PHEX: variants seen among roughly 807,000 people sequenced by gnomAD.
PHEX encodes phosphate-regulating neutral endopeptidase PHEX.
PHEX carries 16 observed loss-of-function variants against 68.0 expected under a neutral mutation model. The ratio of observed to expected loss-of-function variants is 0.24; its 90% CI spans 0.16 to 0.36. The LOEUF is 0.36. Ranked by LOEUF, PHEX falls within the 10% of genes least tolerant of loss-of-function variation. The pLI, the probability that PHEX is intolerant of heterozygous loss-of-function variation, is 1.00. For missense variants in PHEX, 480 were observed against 575.5 expected (o/e 0.83, Z 1.70); for synonymous variants, 208 against 205.1 (o/e 1.01, Z -0.12).
intron 15 of PHEX, among the ~76,000 whole-genome samples, chrX:22,208,051 G>A (rs1458062935): frequency 2.3e-4 from 2 of 8,615 alleles, no homozygotes; most frequent in Non-Finnish European, 5.8e-4. Flanking sequence ...CCCACCCCCC[G>A]ACAGGCCCCT....
At chrX:22,195,391 C>T (rs1315041444) in intron 15 of PHEX, among the ~76,000 whole-genome samples, 1 of 110,199 alleles carries the variant, frequency 9.1e-6, no homozygotes, top group Admixed American at 9.6e-5. Flanking sequence ...GTTGGGAGTT[C>T]GAGACCAGCC....
At chrX:22,128,472 G>C in intron 11 of PHEX, among the ~76,000 whole-genome samples, 1 of 110,744 alleles carries the variant, frequency 9.0e-6, no homozygotes, top group Middle Eastern at 4.6e-3. Flanking sequence ...TTAGAGAGAA[G>C]TATCTGGAAA....
At chrX:22,076,350 TG>T in intron 3 of PHEX, 37 bp from the exon 4 acceptor site, 1 of 1,003,460 alleles carries the variant, frequency 1.0e-6, no homozygotes, top group Non-Finnish European at 1.4e-6. Context: ...GCACCATATG[TG>T]GGTGGATACT....
At chrX:22,118,854 G>T (rs1473241282) in intron 11 of PHEX, among the ~76,000 whole-genome samples, 1 of 111,733 alleles carries the variant, frequency 8.9e-6, no homozygotes, top group East Asian at 2.8e-4. Flanking sequence ...CACAACCATG[G>T]GAATTTAGCA....
Position 22,249,456 on chromosome X carries a change from ATATATATATATATATATATAT to A in PHEX, c.*1504_*1524del, listed in dbSNP as rs1936505161. The A allele has an allele frequency of 3.2e-5, 1 of 31,204 alleles. No homozygotes were observed. The highest frequency in any genetic ancestry group is 5.4e-5 in the Non-Finnish European group (1 of 18,424). 2.6% of individuals were successfully genotyped at this position (31,204 alleles called of 1,213,427 possible). A position where few individuals can be genotyped will look rare whatever the true frequency, so the allele number is the denominator to read the frequency against. On this transcript the variant is annotated 3_prime_UTR_variant, in exon 22 of 22. Transcript: ENST00000379374. ...TGTGATTCTTTTAAAAAAAAAAAAA[ATATATATATATATATATATAT>A]ATATATATATGTATATCTACCTAAG...
At chrX:22,211,261 T>C (rs948949443) in intron 15 of PHEX, among the ~76,000 whole-genome samples, 1 of 112,232 alleles carries the variant, frequency 8.9e-6, no homozygotes, top group African/African-American at 3.2e-5. Flanking sequence ...GGGTCTCTTG[T>C]TCCAAAAGCA....
chrX:22,144,862 A>C (rs1280591078), intron 12 of PHEX, among the ~76,000 whole-genome samples: 1 of 111,494 alleles, frequency 9.0e-6, no homozygotes, highest in Non-Finnish European at 1.9e-5. Context: ...CTCTCCATCC[A>C]TGAAATTTAT....
chrX:22,088,953 T>C (rs1929739840), intron 5 of PHEX, among the ~76,000 whole-genome samples: 1 of 112,340 alleles, frequency 8.9e-6, no homozygotes, highest in Non-Finnish European at 1.9e-5. Flanking sequence ...CTATGATTCA[T>C]TTTCAGTTAA....
rs1385883630 is a variant in PHEX at position 22,145,766 on chromosome X, C to G, written c.1404+12142C>G. On this transcript the variant is annotated intron_variant, in intron 12 of 21. Coordinates refer to ENST00000379374, the MANE Select transcript of PHEX (RefSeq NM_000444.6). ...TGTTTGATTTTCAAATTCTATCATT[C>G]TTTTTGCATTTATTAGCTAGGCTGT... 5.4e-5 allele frequency among the ~76,000 whole-genome samples: 6 copies of G among 111,769 alleles called. No individual in the cohort carries two copies. In the Admixed American group the frequency reaches 5.7e-4, roughly 11 times the overall value.
At chrX:22,154,129 TA>T (rs1932903556) in intron 12 of PHEX, among the ~76,000 whole-genome samples, 1 of 110,240 alleles carries the variant, frequency 9.1e-6, no homozygotes, top group African/African-American at 3.4e-5. Flanking sequence ...CCACAAAAAT[TA>T]AAAATAAAAA....
chrX:22,111,598 A>G, intron 10 of PHEX, 38 bp downstream of exon 10: 1 of 953,152 alleles, frequency 1.0e-6, no homozygotes, highest in African/African-American at 1.9e-5. Context: ...ATCGCTGGAT[A>G]ACTTTACATG....
chrX:22,177,816 A>G (rs1569419787), intron 13 of PHEX, among the ~76,000 whole-genome samples: 1 of 112,030 alleles, frequency 8.9e-6, no homozygotes, highest in Admixed American at 9.5e-5. Context: ...TTATTTGACT[A>G]AATCATTGTC....
At chrX:22,064,102 T>C (rs1928493451) in intron 3 of PHEX, among the ~76,000 whole-genome samples, 1 of 112,635 alleles carries the variant, frequency 8.9e-6, no homozygotes, top group Admixed American at 9.4e-5. Context: ...TTTGTGTTCA[T>C]TGAAGTTCTT....
chrX:22,117,947 A>C lies in PHEX; in HGVS notation c.1302+3361A>C, dbSNP rs182929467. 4.8e-4 allele frequency among the ~76,000 whole-genome samples: 53 copies of C among 110,647 alleles called. 1 individual carries two copies. Among genetic ancestry groups the C allele is most frequent in the Non-Finnish European group, 1.5e-4 (8 of 52,888 alleles). ...AAGAACCACCTGGAACCACTGATTTACTTGAAAAACATTCAGTATTATTAG... is the reference window on the plus strand; with the variant it reads ...AAGAACCACCTGGAACCACTGATTTCCTTGAAAAACATTCAGTATTATTAG... On this transcript the variant is annotated intron_variant, in intron 11 of 21. Coordinates refer to ENST00000379374, the MANE Select transcript of PHEX (RefSeq NM_000444.6).
intron 13 of PHEX, among the ~76,000 whole-genome samples, chrX:22,170,418 C>T (rs1223718083): frequency 9.0e-6 from 1 of 111,228 alleles, no homozygotes; most frequent in Non-Finnish European, 1.9e-5. Context: ...CACCTTGTTA[C>T]CTAGGGTAGG....
At chrX:22,236,865 TGATA>T (rs1158780073) in intron 20 of PHEX, among the ~76,000 whole-genome samples, 1 of 112,783 alleles carries the variant, frequency 8.9e-6, no homozygotes, top group Non-Finnish European at 1.9e-5. Context: ...ACTAATTGAT[TGATA>T]GTGAAGTTAC....
chrX:22,097,067 T>A, intron 8 of PHEX, 29 bp downstream of exon 8: 1 of 975,739 alleles, frequency 1.0e-6, no homozygotes, highest in Non-Finnish European at 1.5e-6. Context: ...GAAAACTTTC[T>A]CTCAACTCAT....
intron 8 of PHEX, 54 bp downstream of exon 8, chrX:22,097,092 T>G: frequency 2.4e-6 from 2 of 831,052 alleles, no homozygotes; most frequent in Non-Finnish European, 3.6e-6. Flanking sequence ...TTAGAAGGGA[T>G]TGGATTTCAT....
intron 13 of PHEX, among the ~76,000 whole-genome samples, chrX:22,170,229 A>C (rs1331626488): frequency 1.8e-5 from 2 of 112,164 alleles, no homozygotes; most frequent in African/African-American, 6.5e-5. Context: ...GCTACTAAGA[A>C]GAGTATCATC....
Sources: allele counts gnomAD v4.1 joint callset (sites outside exome capture counted in the v4.1 genomes callset), GRCh38; gene constraint gnomAD v4.1.1; transcripts MANE v1.5; gene names NCBI Gene and HGNC (gene_info 2026-07-23, HGNC 2026-07-21).